Variants in FNDC8 observed in about 807,000 individuals in gnomAD.
FNDC8 encodes fibronectin type III domain containing 8.
In FNDC8, 23 loss-of-function variants were observed where a neutral mutation model predicts 24.8. The ratio of observed to expected loss-of-function variants is 0.93; its 90% CI spans 0.67 to 1.31. The LOEUF is 1.31. Ranked by LOEUF, FNDC8 falls within the 40% of genes most tolerant of loss-of-function variation. The pLI is 0.00. For missense variants in FNDC8, 371 were observed against 398.2 expected, an observed-to-expected ratio of 0.93 and a Z score of 0.58; for synonymous variants, 158 against 165.3, an observed-to-expected ratio of 0.96 and a Z score of 0.34.
intron 3 of FNDC8, 106 bp from the exon 4 acceptor site, chr17:35,130,176 T>C (rs1045428579): frequency 2.7e-6 from 4 of 1,499,174 alleles, no homozygotes; most frequent in Admixed American, 2.3e-5. Flanking sequence ...TAAGGCTGTT[T>C]AAGGTCTGAG....
chr17:35,125,502 A>G (rs2091845653), intron 1 of FNDC8, among the ~76,000 whole-genome samples: 1 of 152,230 alleles, frequency 6.6e-6, no homozygotes, highest in Non-Finnish European at 1.5e-5. Context: ...ATGTATCAAG[A>G]TAGATGAATG....
chr17:35,126,993 C>A (rs1381823510), intron 1 of FNDC8, 49 bp from the exon 2 acceptor site: 1 of 1,531,314 alleles, frequency 6.5e-7, no homozygotes, highest in African/African-American at 1.4e-5. Flanking sequence ...GTGGAACGGG[C>A]TGGGGTGGCC....
At chr17:35,126,497 C>CATTTT (rs1555571324) in intron 1 of FNDC8, among the ~76,000 whole-genome samples, 8 of 112,042 alleles carry the variant, frequency 7.1e-5, no homozygotes, top group African/African-American at 3.5e-5. Context: ...ATTTTCTAAG[C>CATTTT]TTTTTTTTTT....
intron 1 of FNDC8, among the ~76,000 whole-genome samples, chr17:35,123,824 A>G (rs1318709901): frequency 6.6e-6 from 1 of 152,134 alleles, no homozygotes; most frequent in Non-Finnish European, 1.5e-5. Flanking sequence ...ACATCCATCC[A>G]GCAGAGCTGT....
In FNDC8 at chr17:35,121,945, C is replaced by T. The variant is rs180975671; in HGVS notation, c.209+43C>T. The T allele has an allele frequency of 1.4e-3, 1,717 of 1,225,744 alleles. 11 individuals carry two copies. The African/African-American group carries it at 0.021, about 15-fold the overall frequency. The allele number at this position is 1,225,744 out of a possible 1,614,324, so 75.9% of individuals were successfully genotyped here. On this transcript the variant is annotated intron_variant, in intron 1 of 3. Coordinates refer to ENST00000158009, the MANE Select transcript of FNDC8 (RefSeq NM_017559.4). ...TCCCTCCCTCCCTCCCTCCCTCCCT[C>T]CCTTCCTTCCTCCCTTCCTTCCTCC... is the stretch of plus-strand genomic sequence containing the variant.
At chr17:35,126,635 T>A (rs2091850326) in intron 1 of FNDC8, among the ~76,000 whole-genome samples, 1 of 151,784 alleles carries the variant, frequency 6.6e-6, no homozygotes, top group Non-Finnish European at 1.5e-5. Flanking sequence ...ACCAAGTAGC[T>A]AGGATTACAG....
Position 35,129,651 on chromosome 17 carries a change from C to T in FNDC8, c.815C>T (p.Pro272Leu). The change falls in exon 3 of 4, where the codon CCC becomes CTC. Residue 272 changes from proline (P) to leucine (L), a missense_variant. Coordinates refer to ENST00000158009, the MANE Select transcript of FNDC8 (RefSeq NM_017559.4). ...GCTGGGGTGGGGAAGTGGTGCAAGCCCTACAAAGTGAGCCCTGGGAAAAGA... is the reference window on the plus strand; with the variant it reads ...GCTGGGGTGGGGAAGTGGTGCAAGCTCTACAAAGTGAGCCCTGGGAAAAGA... Reference protein sequence around the residue: ...NTAGVGKWCKPYKFATLATDF... With the variant: ...NTAGVGKWCKLYKFATLATDF... 6.2e-7 allele frequency: 1 copy of T among 1,613,566 alleles called. No homozygotes were observed. Among genetic ancestry groups the T allele is most frequent in the Non-Finnish European group, 8.5e-7 (1 of 1,179,888 alleles).
intron 1 of FNDC8, among the ~76,000 whole-genome samples, chr17:35,123,347 C>T (rs1414580451): frequency 2.6e-5 from 4 of 152,032 alleles, no homozygotes; most frequent in Admixed American, 2.0e-4. Flanking sequence ...GATGGATGCT[C>T]GTAGGAAACT....
intron 1 of FNDC8, among the ~76,000 whole-genome samples, chr17:35,123,476 G>A (rs550623927): frequency 2.6e-5 from 4 of 152,242 alleles, no homozygotes; most frequent in African/African-American, 9.6e-5. Flanking sequence ...GGTAGCCCAC[G>A]CCTGTAATCC....
At chr17:35,123,796 G>A (rs1437631730) in intron 1 of FNDC8, among the ~76,000 whole-genome samples, 9 of 151,978 alleles carry the variant, frequency 5.9e-5, no homozygotes, top group Non-Finnish European at 1.2e-4. Context: ...TCAGCCCCTT[G>A]TTTGCCAAAT....
chr17:35,130,375 T>C lies in FNDC8; in HGVS notation c.916T>C (p.Ser306Pro), dbSNP rs756775303. 8 of 1,613,990 alleles carry C rather than the reference T, an allele frequency of 5.0e-6. No homozygotes were observed. The East Asian group carries it at 1.6e-4, about 31-fold the overall frequency. ...RRKEPRQKIVSIGPEEMRRLE... is the reference protein window; with the variant it reads ...RRKEPRQKIVPIGPEEMRRLE... ...CAAGGAACCCCGGCAAAAGATCGTG[T>C]CCATCGGGCCGGAGGAGATGCGGAG... is the stretch of plus-strand genomic sequence containing the variant. The change falls in exon 4 of 4, where the codon TCC (serine) becomes CCC (proline). Residue 306 changes from serine to proline, a missense_variant. Coordinates refer to ENST00000158009, the MANE Select transcript of FNDC8 (RefSeq NM_017559.4).
intron 1 of FNDC8, among the ~76,000 whole-genome samples, chr17:35,122,193 T>A (rs1567738515): frequency 1.7e-3 from 35 of 21,134 alleles, no homozygotes; most frequent in Admixed American, 4.0e-3. Flanking sequence ...TATATATATA[T>A]ATATATATAT....
intron 1 of FNDC8, among the ~76,000 whole-genome samples, chr17:35,123,883 G>A (rs1244675358): frequency 2.6e-5 from 4 of 152,192 alleles, no homozygotes; most frequent in African/African-American, 7.2e-5. Flanking sequence ...AGTGCCTAGC[G>A]GCCTTCTGTG....
rs779245169 is a variant in FNDC8 at position 35,129,496 on chromosome 17, A to G, written c.660A>G (p.Thr220=). The change falls in exon 3 of 4, where the codon ACA becomes ACG. Residue 220 remains threonine (T), a synonymous_variant. Coordinates refer to ENST00000158009, the MANE Select transcript of FNDC8 (RefSeq NM_017559.4). ...YQLLLQEVAK[T]QENELPEAKN... is the part of the protein sequence containing the mutation. ...TCCTGTTACAGGAGGTGGCCAAGAC[A>G]CAGGAGAATGAGTTGCCCGAGGCAA... 13 of 1,614,104 alleles carry G rather than the reference A, an allele frequency of 8.1e-6. No homozygotes were observed. In the African/African-American group the frequency reaches 1.5e-4, roughly 18 times the overall value.
chr17:35,127,838 G>A (rs749101043), intron 2 of FNDC8, among the ~76,000 whole-genome samples: 5 of 152,288 alleles, frequency 3.3e-5, no homozygotes, highest in Non-Finnish European at 5.9e-5. Flanking sequence ...ACATGAAAGC[G>A]TGAGAAGCCC....
intron 2 of FNDC8, among the ~76,000 whole-genome samples, chr17:35,128,244 T>G (rs1223506958): frequency 1.3e-5 from 2 of 152,246 alleles, no homozygotes; most frequent in Non-Finnish European, 2.9e-5. Flanking sequence ...AGATGGACAA[T>G]GTCAGCATCA....
chr17:35,129,263 C>A, intron 2 of FNDC8, 159 bp from the exon 3 acceptor site: 1 of 891,702 alleles, frequency 1.1e-6, no homozygotes. Context: ...AGGGGTTCCA[C>A]ACTCAGTGCT....
At position 35,129,541 on chromosome 17, in the gene FNDC8, C is replaced by T; in HGVS notation, c.705C>T (p.Phe235=). The change falls in exon 3 of 4, where the codon TTC becomes TTT. Residue 235 remains phenylalanine, a synonymous_variant. Transcript: ENST00000158009. The part of the protein sequence containing the change: ...LPEAKNRPWI[F]NKILGTTVKL... ...AGGCAAAGAATCGTCCATGGATCTT[C>T]AACAAGATTTTGGGCACTACTGTCA... 1 of 1,614,158 alleles carries T rather than the reference C, an allele frequency of 6.2e-7. No homozygotes were observed. The highest frequency in any genetic ancestry group is 1.1e-5 in the South Asian group (1 of 91,078).
chr17:35,127,046 C>T lies in FNDC8; in HGVS notation c.214C>T (p.Pro72Ser). Residue 72 changes from proline to serine, a missense_variant, in exon 2 of 4, where the codon CCG (proline) becomes TCG (serine). Coordinates refer to ENST00000158009, the MANE Select transcript of FNDC8 (RefSeq NM_017559.4). ...LEDDTINLLK[P>S]LPVEDSDCSS... ...CTGTCTCCCCTTTTGCTCCAGGAAGCCGCTGCCAGTAGAGGATTCAGACTG... is the reference window on the plus strand; with the variant it reads ...CTGTCTCCCCTTTTGCTCCAGGAAGTCGCTGCCAGTAGAGGATTCAGACTG... 1 of 1,576,178 alleles carries T rather than the reference C, an allele frequency of 6.3e-7. No homozygotes were observed.
Sources: gnomAD v4.1 joint callset for allele counts (sites outside exome capture counted in the v4.1 genomes callset) on GRCh38, gnomAD v4.1.1 for gene constraint, MANE v1.5 for transcripts, NCBI Gene and HGNC (gene_info 2026-07-23, HGNC 2026-07-21) for gene names.